Variants in RIT2 observed in about 807,000 individuals in gnomAD.
RIT2 encodes GTP-binding protein Rit2.
A neutral mutation model predicts 23.7 loss-of-function variants in RIT2; 24 were observed. The observed-to-expected ratio is 1.01, with a 90% CI of 0.73 to 1.43. RIT2 has a LOEUF of 1.43. Among genes scored for constraint, RIT2 ranks in the 40% most tolerant of loss-of-function variants. The probability of loss-of-function intolerance (pLI) is 0.00; values close to 1 mark genes in which losing one functional copy is unlikely to be tolerated. For synonymous variants in RIT2, 107 were observed against 91.1 expected (o/e 1.17, Z -0.99); for missense variants, 236 against 266.9 (o/e 0.88, Z 0.81).
chr18:43,063,495 CA>C (rs1912700324), intron 1 of RIT2, among the ~76,000 whole-genome samples: 1 of 152,076 alleles, frequency 6.6e-6, no homozygotes, highest in Admixed American at 6.6e-5. Flanking sequence ...ACAATTTTAA[CA>C]AAAGTCATTT....
At chr18:43,011,325 A>G (rs1911346079) in intron 2 of RIT2, among the ~76,000 whole-genome samples, 1 of 151,706 alleles carries the variant, frequency 6.6e-6, no homozygotes, top group Non-Finnish European at 1.5e-5. Flanking sequence ...ATGCAACCAA[A>G]GGGGCCAGCT....
intron 4 of RIT2, among the ~76,000 whole-genome samples, chr18:42,817,528 T>C (rs953075545): frequency 7.9e-5 from 12 of 152,160 alleles, no homozygotes; most frequent in Admixed American, 6.5e-4. Flanking sequence ...AATAACAGAT[T>C]AGCATGGCTT....
At chr18:42,929,825 T>C (rs1909281424) in intron 3 of RIT2, among the ~76,000 whole-genome samples, 1 of 151,996 alleles carries the variant, frequency 6.6e-6, no homozygotes, top group Admixed American at 6.5e-5. Context: ...CAGGAGCACA[T>C]GTGAGGGGAA....
rs766978653 is a variant in RIT2 at position 43,115,417 on chromosome 18, C to A, written c.103G>T (p.Ala35Ser). The A allele has an allele frequency of 6.2e-7, 1 of 1,612,860 alleles. No individual in the cohort carries two copies. Among genetic ancestry groups the A allele is most frequent in the African/African-American group, 1.3e-5 (1 of 74,838 alleles). The change falls in exon 1 of 5, where the codon GCA becomes TCA. Residue 35 changes from alanine (A) to serine (S), a missense_variant and splice_region_variant. Transcript: ENST00000326695. ...MLGAGGVGKS[A>S]MTMQFISHQF... The stretch of plus-strand genomic sequence containing the variant: ...CCCAGCATTTGGTGTGAAAACTTAC[C>A]GCTTTTACCAACTCCCCCTGCTCCC...
intron 4 of RIT2, among the ~76,000 whole-genome samples, chr18:42,921,209 T>C (rs1219108805): frequency 1.3e-5 from 2 of 152,176 alleles, no homozygotes; most frequent in African/African-American, 4.8e-5. Context: ...AGAATAATTA[T>C]TGCTATCACA....
intron 4 of RIT2, among the ~76,000 whole-genome samples, chr18:42,889,431 G>T (rs944743974): frequency 6.6e-6 from 1 of 151,896 alleles, no homozygotes; most frequent in Non-Finnish European, 1.5e-5. Context: ...GGAAAATTGG[G>T]TTATTTGTGT....
intron 2 of RIT2, among the ~76,000 whole-genome samples, chr18:42,986,221 A>T (rs979882048): frequency 4.0e-5 from 6 of 151,790 alleles, no homozygotes; most frequent in Non-Finnish European, 8.8e-5. Context: ...TGTAATTTTT[A>T]GTAGAGATGG....
At chr18:42,910,411 G>C (rs1222868868) in intron 4 of RIT2, among the ~76,000 whole-genome samples, 1 of 152,018 alleles carries the variant, frequency 6.6e-6, no homozygotes, top group Non-Finnish European at 1.5e-5. Context: ...ATAAGAGGGT[G>C]GTTTCCTGGC....
chr18:43,105,116 GTGTGTGTGTGTGTGTT>G (rs1231358155), intron 1 of RIT2, among the ~76,000 whole-genome samples: 44 of 150,642 alleles, frequency 2.9e-4, no homozygotes, highest in Non-Finnish European at 5.9e-4. Context: ...GTGTGTGTGT[GTGTGTGTGTGTGTGTT>G]TGTGTGTGTG....
intron 3 of RIT2, among the ~76,000 whole-genome samples, chr18:42,951,741 G>T (rs950527693): frequency 2.6e-5 from 4 of 152,048 alleles, no homozygotes; most frequent in African/African-American, 4.8e-5. Flanking sequence ...GACATGGACT[G>T]TAAATAATGC....
intron 3 of RIT2, among the ~76,000 whole-genome samples, chr18:42,927,155 C>T (rs1485603281): frequency 1.3e-5 from 2 of 151,934 alleles, no homozygotes; most frequent in Admixed American, 1.3e-4. Flanking sequence ...ATGAAATCCT[C>T]TTTTAGCTGC....
intron 4 of RIT2, among the ~76,000 whole-genome samples, chr18:42,851,919 G>T (rs1199283503): frequency 6.6e-6 from 1 of 152,160 alleles, no homozygotes; most frequent in Non-Finnish European, 1.5e-5. Context: ...GGTAATATTT[G>T]CTCTCTCAGG....
At chr18:43,032,985 T>C (rs1911893114) in intron 2 of RIT2, among the ~76,000 whole-genome samples, 1 of 152,052 alleles carries the variant, frequency 6.6e-6, no homozygotes, top group Admixed American at 6.6e-5. Context: ...GGGTAAGTAA[T>C]GGGGAGTGGT....
At chr18:42,749,182 A>C (rs1419171497) in intron 4 of RIT2, among the ~76,000 whole-genome samples, 2 of 151,938 alleles carry the variant, frequency 1.3e-5, no homozygotes, top group Non-Finnish European at 2.9e-5. Context: ...AACTCTACTA[A>C]ATTCTCAAAT....
At chr18:42,790,433 A>C (rs1033665986) in intron 4 of RIT2, among the ~76,000 whole-genome samples, 5 of 152,090 alleles carry the variant, frequency 3.3e-5, no homozygotes, top group Non-Finnish European at 5.9e-5. Context: ...AAATACCTTA[A>C]TTTACTTTTA....
chr18:42,772,325 C>T (rs1598647708), intron 4 of RIT2, among the ~76,000 whole-genome samples: 2 of 152,082 alleles, frequency 1.3e-5, no homozygotes, highest in East Asian at 3.9e-4. Context: ...TATTTTGACC[C>T]TAATAGTTTT....
intron 4 of RIT2, among the ~76,000 whole-genome samples, chr18:42,772,340 T>A (rs1171107178): frequency 6.6e-6 from 1 of 152,154 alleles, no homozygotes; most frequent in Non-Finnish European, 1.5e-5. Context: ...AGTTTTTATC[T>A]CAAAGTAAGT....
chr18:42,863,565 G>GTTACAT, intron 4 of RIT2, among the ~76,000 whole-genome samples: 1 of 152,020 alleles, frequency 6.6e-6, no homozygotes, highest in Non-Finnish European at 1.5e-5. Context: ...CAATGTTATT[G>GTTACAT]AACCTCTTAT....
intron 4 of RIT2, among the ~76,000 whole-genome samples, chr18:42,868,857 T>A (rs145765146): frequency 6.6e-6 from 1 of 152,190 alleles, no homozygotes; most frequent in African/African-American, 2.4e-5. Flanking sequence ...TGGCCTTTTT[T>A]TCCCCAGCCT....
Sources: gnomAD v4.1 joint callset for allele counts (sites outside exome capture counted in the v4.1 genomes callset) on GRCh38, gnomAD v4.1.1 for gene constraint, MANE v1.5 for transcripts, NCBI Gene and HGNC (gene_info 2026-07-23, HGNC 2026-07-21) for gene names.